Variants in YRDC observed in about 807,000 individuals in gnomAD.
YRDC encodes the protein yrdC N6-threonylcarbamoyltransferase domain containing, also known as threonylcarbamoyl-AMP synthase.
In YRDC, 17 loss-of-function variants were observed where a neutral mutation model predicts 21.5. The ratio of observed to expected loss-of-function variants is 0.79; its 90% CI spans 0.54 to 1.19. The LOEUF (loss-of-function observed/expected upper bound fraction) is 1.19. Ranked by LOEUF, YRDC falls within the 50% of genes most tolerant of loss-of-function variation. The pLI, the probability that YRDC is intolerant of heterozygous loss-of-function variation, is 0.00. For missense variants in YRDC, 380 were observed against 397.1 expected, an observed-to-expected ratio of 0.96 and a Z score of 0.37; for synonymous variants, 193 against 176.7, an observed-to-expected ratio of 1.09 and a Z score of -0.73.
chr1:37,804,468 C>G lies in YRDC; in HGVS notation c.625-24G>C, dbSNP rs1646722242. ...TCCTGAGAAGAGGGAGAAGGAAGAG[C>G]ATGGACACTATCCCTGGTGTATCCA... On this transcript the variant is annotated intron_variant, in intron 3 of 4. Coordinates refer to ENST00000373044, the MANE Select transcript of YRDC (RefSeq NM_024640.4). 9 of 1,603,236 alleles carry G rather than the reference C, an allele frequency of 5.6e-6. 1 individual carries two copies. The highest frequency in any genetic ancestry group is 5.1e-6 in the Non-Finnish European group (6 of 1,172,404).
Position 37,807,199 on chromosome 1 carries a change from C to G in YRDC, c.406G>C (p.Val136Leu). 2 of 1,614,132 alleles carry G rather than the reference C, an allele frequency of 1.2e-6. No homozygotes were observed. Among genetic ancestry groups the G allele is most frequent in the South Asian group, 2.2e-5 (2 of 91,090 alleles). Reference sequence around the variant, plus strand: ...AGGTCTTTCAGGAGCCCCTCAGGTACTCTCACACGGCAGTATCTGGGAAAC... The same window carrying G: ...AGGTCTTTCAGGAGCCCCTCAGGTAGTCTCACACGGCAGTATCTGGGAAAC... Reference protein sequence around the residue: ...ADVYRYCRVRVPEGLLKDLLP... With the variant: ...ADVYRYCRVRLPEGLLKDLLP... The change falls in exon 2 of 5, where the codon GTA becomes CTA. Residue 136 changes from valine to leucine, a missense_variant. Physicochemically the swap from Val to Leu is conservative, Grantham distance 32. Around this residue, in one of 3 missense-constraint regions of YRDC, gnomAD observed 238 missense variants for 236.5 expected, o/e 1.01. Transcript: ENST00000373044.
intron 4 of YRDC, 58 bp from the exon 5 acceptor site, chr1:37,804,055 G>A: frequency 1.3e-6 from 2 of 1,598,062 alleles, no homozygotes; most frequent in Non-Finnish European, 8.6e-7. Context: ...GAGCCCACCA[G>A]AGGCTGGTGA....
chr1:37,807,340 C>A, intron 1 of YRDC, 125 bp from the exon 2 acceptor site: 1 of 876,974 alleles, frequency 1.1e-6, no homozygotes, highest in Non-Finnish European at 1.8e-6. Flanking sequence ...TGTCTCCCTG[C>A]TTCACCTCCC....
chr1:37,805,909 C>G (rs1019388948), intron 3 of YRDC, among the ~76,000 whole-genome samples: 2 of 152,216 alleles, frequency 1.3e-5, no homozygotes, highest in Non-Finnish European at 2.9e-5. Context: ...AGGCCTGATG[C>G]TGGATACTAT....
rs570641323 is a variant in YRDC, at chr1:37,803,633, AACAG to A, written c.*288_*291del. 40 of 357,564 alleles carry A rather than the reference AACAG, an allele frequency of 1.1e-4. No individual in the cohort carries two copies. Among genetic ancestry groups the A allele is most frequent in the South Asian group, 9.7e-4 (15 of 15,410 alleles). The allele number at this position is 357,564 out of a possible 1,614,324, so 22.1% of individuals were successfully genotyped here. On this transcript the variant is annotated 3_prime_UTR_variant, in exon 5 of 5. Transcript: ENST00000373044. ...TAATTACTTTTCAATTGAAAAACAAAACAGACAGAAGAAACTTATTAGAATAAGG... is the reference window on the plus strand; with the variant it reads ...TAATTACTTTTCAATTGAAAAACAAAACAGAAGAAACTTATTAGAATAAGG...
intron 3 of YRDC, among the ~76,000 whole-genome samples, chr1:37,805,499 G>C (rs1251597524): frequency 6.6e-6 from 1 of 152,200 alleles, no homozygotes; most frequent in Non-Finnish European, 1.5e-5. Flanking sequence ...CTGAGCTAGA[G>C]CTTCCCCAAC....
chr1:37,804,288 GGAAA>G lies in YRDC; in HGVS notation c.767+10_767+13del. 1 of 1,610,710 alleles carries G rather than the reference GGAAA, an allele frequency of 6.2e-7. No individual in the cohort carries two copies. Among genetic ancestry groups the G allele is most frequent in the Non-Finnish European group, 8.5e-7 (1 of 1,177,544 alleles). On this transcript the variant is annotated intron_variant, in intron 4 of 4. Transcript: ENST00000373044. ...CCTCAAATTATTTCCCCACACCACAGGAAAGAGACTTACCAGCCTGGACGAATGA... is the reference window on the plus strand; with the variant it reads ...CCTCAAATTATTTCCCCACACCACAGGAGACTTACCAGCCTGGACGAATGA...
At chr1:37,804,882 C>G (rs1272705524) in intron 3 of YRDC, among the ~76,000 whole-genome samples, 1 of 152,186 alleles carries the variant, frequency 6.6e-6, no homozygotes, top group East Asian at 1.9e-4. Context: ...TTCATTTGTT[C>G]TAATCTATGT....
In YRDC at chr1:37,803,737, C is replaced by T. The variant is rs1177776867; in HGVS notation, c.*188G>A. On this transcript the variant is annotated 3_prime_UTR_variant, in exon 5 of 5. Coordinates refer to ENST00000373044, the MANE Select transcript of YRDC (RefSeq NM_024640.4). ...GAAAATACAAATAAATACATCCTTT[C>T]CCCAGGTGCAAGGCTAAACCAGCAG... The T allele has an allele frequency of 1.8e-6, 1 of 549,202 alleles. No homozygotes were observed. The highest frequency in any genetic ancestry group is 2.9e-5 in the East Asian group (1 of 34,560). 34.0% of individuals were successfully genotyped at this position (549,202 alleles called of 1,614,324 possible).
At chr1:37,807,590 T>G in intron 1 of YRDC, 8 of 1,035,258 alleles carry the variant, frequency 7.7e-6, no homozygotes, top group Non-Finnish European at 9.2e-6. Flanking sequence ...GTCCCTGCCT[T>G]TCTCGTGTGT....
At position 37,807,985 on chromosome 1, in the gene YRDC, A is replaced by T; in HGVS notation, c.196T>A (p.Trp66Arg). 4 of 1,205,088 alleles carry T rather than the reference A, an allele frequency of 3.3e-6. No individual in the cohort carries two copies. The highest frequency in any genetic ancestry group is 4.1e-6 in the Non-Finnish European group (4 of 971,672). 74.6% of individuals were successfully genotyped at this position (1,205,088 alleles called of 1,614,324 possible). A position where few individuals can be genotyped will look rare whatever the true frequency, so the allele number is the denominator to read the frequency against. The change falls in exon 1 of 5, where the codon TGG becomes AGG. Residue 66 changes from tryptophan (W) to arginine (R), a missense_variant. Around this residue, in one of 3 missense-constraint regions of YRDC, gnomAD observed 51 missense variants for 95.9 expected, o/e 0.53. Coordinates refer to ENST00000373044, the MANE Select transcript of YRDC (RefSeq NM_024640.4). ...VQAASPERAG[W>R]TEALRAAVAE... ...ACGGCGGCCCGCAGCGCCTCGGTCC[A>T]GCCGGCGCGCTCCGGGCTCGCGGCC...
rs574275043 is a variant in YRDC, at chr1:37,807,883, A to G, written c.298T>C (p.Ser100Pro). 2.7e-6 allele frequency: 4 copies of G among 1,456,964 alleles called. No homozygotes were observed. The Admixed American group carries it at 6.8e-5, about 25-fold the overall frequency. 90.3% of individuals were successfully genotyped at this position (1,456,964 alleles called of 1,614,324 possible). A position where few individuals can be genotyped will look rare whatever the true frequency, so the allele number is the denominator to read the frequency against. Residue 100 changes from serine (S) to proline (P), a missense_variant, in exon 1 of 5, where the codon TCG (serine) becomes CCG (proline). Around this residue, in one of 3 missense-constraint regions of YRDC, gnomAD observed 238 missense variants for 236.5 expected, o/e 1.01. Transcript: ENST00000373044. ...LYGLACAASC[S>P]AALRAVYRLK... ...CGGTACACAGCGCGCAGAGCCGCCG[A>G]GCAGCTCGCCGCGCAGGCCAGGCCG...
rs578235508 is a variant in YRDC at position 37,808,176 on chromosome 1, G to A, written c.5C>T (p.Ser2Phe). Reference protein sequence around the residue: MSPARRCRGMRA... With the variant: MFPARRCRGMRA... ...CATCCCCCTGCACCGACGCGCCGGA[G>A]ACATCCGCCCAGGCCCGCTTCCGGG... is the stretch of plus-strand genomic sequence containing the variant. The change falls in exon 1 of 5, where the codon TCT (serine) becomes TTT (phenylalanine). Residue 2 changes from serine (S) to phenylalanine (F), a missense_variant. By Grantham distance (155) the Ser-to-Phe change is radical. Coordinates refer to ENST00000373044, the MANE Select transcript of YRDC (RefSeq NM_024640.4). The A allele has an allele frequency of 2.1e-6, 3 of 1,454,104 alleles. No homozygotes were observed. The highest frequency in any genetic ancestry group is 2.7e-6 in the Non-Finnish European group (3 of 1,107,328). The allele number at this position is 1,454,104 out of a possible 1,614,324, so 90.1% of individuals were successfully genotyped here. A position where few individuals can be genotyped will look rare whatever the true frequency, so the allele number is the denominator to read the frequency against.
In YRDC at chr1:37,806,433, C is replaced by A. The variant is rs144897081; in HGVS notation, c.624+424G>T. 2.0e-3 allele frequency among the ~76,000 whole-genome samples: 301 copies of A among 152,288 alleles called. 2 individuals carry two copies. The highest frequency in any genetic ancestry group is 6.7e-3 in the African/African-American group (277 of 41,560). ...GCCAGGCTGGTCTCAAACTCCTGAC[C>A]TCACATGATCCACCTGCTTGGGCCT... is the stretch of plus-strand genomic sequence containing the variant. On this transcript the variant is annotated intron_variant, in intron 3 of 4. Coordinates refer to ENST00000373044, the MANE Select transcript of YRDC (RefSeq NM_024640.4).
intron 4 of YRDC, 73 bp from the exon 5 acceptor site, chr1:37,804,070 G>C: frequency 6.3e-7 from 1 of 1,576,196 alleles, no homozygotes; most frequent in Non-Finnish European, 8.7e-7. Context: ...TGGTGAGCAG[G>C]GACATCGAAA....
chr1:37,807,101 A>T lies in YRDC; in HGVS notation c.504T>A (p.Pro168=). 1 of 1,614,172 alleles carries T rather than the reference A, an allele frequency of 6.2e-7. No homozygotes were observed. Among genetic ancestry groups the T allele is most frequent in the Non-Finnish European group, 8.5e-7 (1 of 1,180,022 alleles). Residue 168 remains proline, a splice_region_variant and synonymous_variant, in exon 2 of 5, where the codon CCT becomes CCA. Transcript: ENST00000373044. ...ELNKDLNPFT[P]LVGIRIPDHA... is the part of the protein sequence containing the mutation. Reference sequence around the variant, plus strand: ...GGACACAAGAGAAAACTTGACTCACAGGCGTAAAAGGGTTTAGGTCCTTGT... The same window carrying T: ...GGACACAAGAGAAAACTTGACTCACTGGCGTAAAAGGGTTTAGGTCCTTGT...
rs1646716513 is a variant in YRDC, at chr1:37,803,689, C to T, written c.*236G>A. ...CACCTAGGAATGTTCTTAACTTTTC[C>T]ATTCAGCTTTTGGCTGATATATGAA... is the stretch of plus-strand genomic sequence containing the variant. On this transcript the variant is annotated 3_prime_UTR_variant, in exon 5 of 5. Transcript: ENST00000373044. 1 of 484,482 alleles carries T rather than the reference C, an allele frequency of 2.1e-6. No individual in the cohort carries two copies. Among genetic ancestry groups the T allele is most frequent in the East Asian group, 3.2e-5 (1 of 31,692 alleles). The allele number at this position is 484,482 out of a possible 1,614,324, so 30.0% of individuals were successfully genotyped here.
intron 3 of YRDC, among the ~76,000 whole-genome samples, chr1:37,806,092 A>G (rs780513573): frequency 6.6e-6 from 1 of 152,212 alleles, no homozygotes; most frequent in Non-Finnish European, 1.5e-5. Context: ...TGTGGCAGAG[A>G]TAAGAGAACA....
intron 4 of YRDC, 99 bp downstream of exon 4, chr1:37,804,202 AG>A: frequency 6.5e-7 from 1 of 1,533,338 alleles, no homozygotes; most frequent in South Asian, 1.3e-5. Flanking sequence ...ACACTCCTTC[AG>A]GGCAACATAG....
Sources: gnomAD v4.1 joint callset for allele counts (sites outside exome capture counted in the v4.1 genomes callset) on GRCh38, gnomAD v4.1.1 for gene constraint, gnomAD v4.1.1 regional missense constraint, MANE v1.5 for transcripts, NCBI Gene and HGNC (gene_info 2026-07-23, HGNC 2026-07-21) for gene names.